Variants in KRT85 observed in about 807,000 individuals in gnomAD.
KRT85 encodes keratin 85, also known as keratin, type II cuticular Hb5.
KRT85 carries 39 observed loss-of-function variants against 53.7 expected under a neutral mutation model. The ratio of observed to expected loss-of-function variants is 0.73; its 90% CI spans 0.56 to 0.95. The LOEUF is 0.95. Ranked by LOEUF, KRT85 falls within the 40% of genes least tolerant of loss-of-function variation. The pLI is 0.00. For synonymous variants in KRT85, 291 were observed against 277.5 expected, an observed-to-expected ratio of 1.05 and a Z score of -0.48; for missense variants, 668 against 686.0, an observed-to-expected ratio of 0.97 and a Z score of 0.29.
chr12:52,367,213 G>C lies in KRT85; in HGVS notation c.193C>G (p.Arg65Gly). 3 of 1,613,486 alleles carry C rather than the reference G, an allele frequency of 1.9e-6. No individual in the cohort carries two copies. Among genetic ancestry groups the C allele is most frequent in the Non-Finnish European group, 2.5e-6 (3 of 1,179,690 alleles). Residue 65 changes from arginine (R) to glycine (G), a missense_variant, in exon 1 of 9, where the codon CGG becomes GGG. By Grantham distance (125) the Arg-to-Gly change is moderately radical (BLOSUM62 -2). This residue lies in a region of KRT85 where 158 missense variants were observed against 141.8 expected (regional missense o/e 1.11). Transcript: ENST00000257901. ...SLCNLGSCGPRIAVGGFRAGS... is the reference protein window; with the variant it reads ...SLCNLGSCGPGIAVGGFRAGS... ...GCTCGGAAGCCACCTACAGCTATCC[G>C]GGGCCCGCAGGAGCCCAGGTTGCAG... is the stretch of plus-strand genomic sequence containing the variant.
intron 2 of KRT85, 185 bp downstream of exon 2, chr12:52,364,777 G>C (rs757902770): frequency 3.6e-5 from 50 of 1,373,522 alleles, no homozygotes; most frequent in Non-Finnish European, 5.0e-5. Context: ...AAGGCTCACA[G>C]GGGTGGAGTC....
rs1343181428 is a variant in KRT85, at chr12:52,362,456, C to T, written c.1093G>A (p.Ala365Thr). ...TGCTGCTCTGCCTCAGCCACAGCAG[C>T]CTCCAGCTTGGCACGCTATCAGGTG... ...NAKCQRAKLE[A>T]AVAEAEQQGE... The change falls in exon 7 of 9, where the codon GCT becomes ACT. Residue 365 changes from alanine to threonine, a missense_variant. Around this residue, in one of 3 missense-constraint regions of KRT85, gnomAD observed 488 missense variants for 498.1 expected, o/e 0.98. Transcript: ENST00000257901. 2 of 1,614,072 alleles carry T rather than the reference C, an allele frequency of 1.2e-6. No individual in the cohort carries two copies. Among genetic ancestry groups the T allele is most frequent in the Non-Finnish European group, 1.7e-6 (2 of 1,180,044 alleles).
chr12:52,360,623 G>T lies in KRT85; in HGVS notation c.*230C>A. ...GAGCTAAGTAGGAGTTAAGTGAAGG[G>T]CTGGGAATGCCTCTGAAAACAGCTG... On this transcript the variant is annotated 3_prime_UTR_variant, in exon 9 of 9. Coordinates refer to ENST00000257901, the MANE Select transcript of KRT85 (RefSeq NM_002283.4). 1 of 595,648 alleles carries T rather than the reference G, an allele frequency of 1.7e-6. No individual in the cohort carries two copies. The highest frequency in any genetic ancestry group is 2.8e-5 in the East Asian group (1 of 35,568). 36.9% of individuals were successfully genotyped at this position (595,648 alleles called of 1,614,324 possible).
intron 7 of KRT85, 49 bp from the exon 8 acceptor site, chr12:52,361,547 T>C (rs1457473664): frequency 1.9e-6 from 3 of 1,567,944 alleles, no homozygotes; most frequent in Non-Finnish European, 2.6e-6. Flanking sequence ...GTTGGATTCC[T>C]TGAGACTGAT....
rs998518884 is a variant in KRT85, at chr12:52,367,220, G to T, written c.186C>A (p.Cys62Ter). The change falls in exon 1 of 9, where the codon TGC becomes TGA. Residue 62 changes from cysteine (C) to a stop codon, truncating the protein, a stop_gained. Transcript: ENST00000257901. LOFTEE classifies it high-confidence loss of function. The part of the protein sequence containing the change: ...GSRSLCNLGS[C>*]GPRIAVGGFR... ...AGCCACCTACAGCTATCCGGGGCCC[G>T]CAGGAGCCCAGGTTGCAGAGGCTGC... is the stretch of plus-strand genomic sequence containing the variant. 6.2e-7 allele frequency: 1 copy of T among 1,613,434 alleles called. No homozygotes were observed. The highest frequency in any genetic ancestry group is 8.5e-7 in the Non-Finnish European group (1 of 1,179,644).
Position 52,362,168 on chromosome 12 carries a change from G to C in KRT85, c.1298+83C>G, listed in dbSNP as rs1424757983. On this transcript the variant is annotated intron_variant, in intron 7 of 8. Coordinates refer to ENST00000257901, the MANE Select transcript of KRT85 (RefSeq NM_002283.4). ...TGTATTAGCCATGGCCAGAGTTGTA[G>C]CTCACACTCAGCTCAAGGAAATTCA... The C allele has an allele frequency of 1.9e-6, 3 of 1,578,622 alleles. No homozygotes were observed. In the African/African-American group the frequency reaches 4.1e-5, roughly 21 times the overall value.
chr12:52,360,872 C>A lies in KRT85; in HGVS notation c.1505G>T (p.Arg502Leu). 1 of 1,612,210 alleles carries A rather than the reference C, an allele frequency of 6.2e-7. No individual in the cohort carries two copies. Among genetic ancestry groups the A allele is most frequent in the Non-Finnish European group, 8.5e-7 (1 of 1,180,012 alleles). The change falls in exon 9 of 9, where the codon CGG becomes CTG. Residue 502 changes from arginine to leucine, a missense_variant. This residue lies in a region of KRT85 where 488 missense variants were observed against 498.1 expected (regional missense o/e 0.98). Transcript: ENST00000257901. ...ACTCTACTAGGCAAAGCGGACCGAC[C>A]GGCTACTCCCGCAGCTGAAGCTGGA... ...RSSSFSCGSS[R>L]SVRFA
chr12:52,365,378 G>A (rs1024543880), intron 1 of KRT85, among the ~76,000 whole-genome samples: 4 of 152,174 alleles, frequency 2.6e-5, no homozygotes, highest in African/African-American at 7.2e-5. Flanking sequence ...GGTCTGTTTC[G>A]AGCCCCAGTT....
chr12:52,366,184 G>C (rs1055675826), intron 1 of KRT85, among the ~76,000 whole-genome samples: 1 of 152,196 alleles, frequency 6.6e-6, no homozygotes, highest in Non-Finnish European at 1.5e-5. Context: ...CTACCAGCCT[G>C]GCCACCTCCC....
intron 2 of KRT85, 28 bp from the exon 3 acceptor site, chr12:52,364,394 G>A: frequency 6.2e-7 from 1 of 1,614,192 alleles, no homozygotes; most frequent in South Asian, 1.1e-5. Context: ...AAGGTCTGGA[G>A]CTGAGAAACT....
chr12:52,365,285 G>T, intron 1 of KRT85, 115 bp from the exon 2 acceptor site: 1 of 1,152,416 alleles, frequency 8.7e-7, no homozygotes, highest in Non-Finnish European at 1.3e-6. Context: ...AAAGCTGAGT[G>T]TCTGCGGCTC....
intron 4 of KRT85, among the ~76,000 whole-genome samples, chr12:52,363,831 T>G (rs571713967): frequency 6.6e-6 from 1 of 152,136 alleles, no homozygotes; most frequent in Non-Finnish European, 1.5e-5. Context: ...CACACCAACA[T>G]GCAGAGAGGT....
At position 52,363,186 on chromosome 12, in the gene KRT85, T is replaced by C. The variant is rs1299282814; in HGVS notation, c.951+60A>G. 8 of 1,604,494 alleles carry C rather than the reference T, an allele frequency of 5.0e-6. No homozygotes were observed. The East Asian group carries it at 1.3e-4, about 27-fold the overall frequency. The stretch of plus-strand genomic sequence containing the variant: ...CCCAGGCAAGAGAAATCTTTTCTAA[T>C]AGATGCCTAACTTCCCTCCCACTGC... On this transcript the variant is annotated intron_variant, in intron 5 of 8. Coordinates refer to ENST00000257901, the MANE Select transcript of KRT85 (RefSeq NM_002283.4).
chr12:52,361,454 G>A lies in KRT85; in HGVS notation c.1330+13C>T, dbSNP rs1399174564. The A allele has an allele frequency of 1.2e-6, 2 of 1,613,480 alleles. No individual in the cohort carries two copies. The highest frequency in any genetic ancestry group is 4.5e-5 in the East Asian group (2 of 44,868). On this transcript the variant is annotated intron_variant, in intron 8 of 8. Transcript: ENST00000257901. Reference sequence around the variant, plus strand: ...AAGCCATTTTTCCAGGAGAATTTCAGGCAGATACTCACAGACATTCACAGA... The same window carrying A: ...AAGCCATTTTTCCAGGAGAATTTCAAGCAGATACTCACAGACATTCACAGA...
Position 52,362,911 on chromosome 12 carries a change from G to A in KRT85, c.1020C>T (p.Asn340=), listed in dbSNP as rs143063799. Residue 340 remains asparagine (N), a synonymous_variant, in exon 6 of 9, where the codon AAC becomes AAT. Coordinates refer to ENST00000257901, the MANE Select transcript of KRT85 (RefSeq NM_002283.4). ...GCCTCTGGATCATGCGGTTCAGCTC[G>A]TTGATCTCCTCCTTGGTGCGGCGCA... ...ETLRRTKEEI[N]ELNRMIQRLT... 4,182 of 1,614,134 alleles carry A rather than the reference G, an allele frequency of 2.6e-3. 5 individuals are homozygous for A. The highest frequency in any genetic ancestry group is 3.2e-3 in the Non-Finnish European group (3,759 of 1,180,036).
At chr12:52,365,213 G>T (rs769683699) in intron 1 of KRT85, 43 bp from the exon 2 acceptor site, 3 of 1,597,104 alleles carry the variant, frequency 1.9e-6, no homozygotes, top group Non-Finnish European at 2.6e-6. Context: ...GAGCCTGGGG[G>T]GAGGCACCTG....
chr12:52,364,571 T>C (rs1003165133), intron 2 of KRT85: 12 of 1,457,100 alleles, frequency 8.2e-6, no homozygotes, highest in Non-Finnish European at 9.0e-6. Flanking sequence ...CTTCTGCCTC[T>C]GAGATGGGGT....
chr12:52,365,913 G>T (rs756782772), intron 1 of KRT85, among the ~76,000 whole-genome samples: 2 of 152,114 alleles, frequency 1.3e-5, no homozygotes, highest in Non-Finnish European at 2.9e-5. Context: ...AAGTGGAGAC[G>T]CTGATACCCA....
Position 52,360,801 on chromosome 12 carries a change from A to C in KRT85, c.*52T>G. 1 of 1,533,320 alleles carries C rather than the reference A, an allele frequency of 6.5e-7. No homozygotes were observed. Among genetic ancestry groups the C allele is most frequent in the South Asian group, 1.1e-5 (1 of 89,464 alleles). The allele number at this position is 1,533,320 out of a possible 1,614,324, so 95.0% of individuals were successfully genotyped here. ...TTTCCATTCACATGCCATTCAGTGCAGTGATGCAGGCAGGCAGGTGCTTGG... is the reference window on the plus strand; with the variant it reads ...TTTCCATTCACATGCCATTCAGTGCCGTGATGCAGGCAGGCAGGTGCTTGG... On this transcript the variant is annotated 3_prime_UTR_variant, in exon 9 of 9. Coordinates refer to ENST00000257901, the MANE Select transcript of KRT85 (RefSeq NM_002283.4).
Sources: gnomAD v4.1 joint callset for allele counts (sites outside exome capture counted in the v4.1 genomes callset) on GRCh38, gnomAD v4.1.1 for gene constraint, gnomAD v4.1.1 regional missense constraint, MANE v1.5 for transcripts, NCBI Gene and HGNC (gene_info 2026-07-23, HGNC 2026-07-21) for gene names.